Variants in METAP2 observed in about 807,000 individuals in gnomAD.
The protein encoded by METAP2 is methionyl aminopeptidase 2, also known as methionine aminopeptidase 2.
METAP2 carries 25 observed loss-of-function variants against 59.4 expected under a neutral mutation model. The observed-to-expected ratio is 0.42, with a 90% CI of 0.31 to 0.59. The LOEUF (loss-of-function observed/expected upper bound fraction) is 0.59. METAP2 is among the 20% of genes least tolerant of loss of function. The probability of loss-of-function intolerance (pLI) is 0.16; values close to 1 mark genes in which losing one functional copy is unlikely to be tolerated. For missense variants in METAP2, 366 were observed against 581.2 expected, an observed-to-expected ratio of 0.63 and a Z score of 3.81; for synonymous variants, 214 against 194.1, an observed-to-expected ratio of 1.10 and a Z score of -0.85.
In METAP2 at chr12:95,485,959, G is replaced by A; in HGVS notation, c.406G>A (p.Glu136Lys). ...NGVFPKGQEC[E>K]YPPTQDGRTA... ...TGTATTTCCCAAAGGACAAGAATGC[G>A]AATACCCACCCACACAAGATGGGTA... is the stretch of plus-strand genomic sequence containing the variant. Residue 136 changes from glutamate to lysine, a missense_variant, in exon 4 of 11, where the codon GAA becomes AAA. Glu to Lys is a moderately conservative substitution (Grantham distance 56). Transcript: ENST00000323666. 1.3e-6 allele frequency: 2 copies of A among 1,585,906 alleles called. No homozygotes were observed. The highest frequency in any genetic ancestry group is 8.6e-7 in the Non-Finnish European group (1 of 1,166,146).
At chr12:95,482,749 G>C (rs983033945) in intron 2 of METAP2, among the ~76,000 whole-genome samples, 1 of 152,094 alleles carries the variant, frequency 6.6e-6, no homozygotes, top group Non-Finnish European at 1.5e-5. Context: ...CTGAGATTGC[G>C]CCATTGCACT....
At chr12:95,480,346 A>G (rs1167106005) in intron 2 of METAP2, among the ~76,000 whole-genome samples, 1 of 152,214 alleles carries the variant, frequency 6.6e-6, no homozygotes, top group Non-Finnish European at 1.5e-5. Context: ...ACATTTGCAT[A>G]TGGGTCTATG....
rs145505343 is a variant in METAP2 at position 95,514,947 on chromosome 12, G to A, written c.*1043G>A. On this transcript the variant is annotated 3_prime_UTR_variant, in exon 11 of 11. Coordinates refer to ENST00000323666, the MANE Select transcript of METAP2 (RefSeq NM_006838.4). Reference sequence around the variant, plus strand: ...ACGTTACAGTTACTTTCCTTATAGCGGCTAAGTGTATTAAGTTGAATGTAA... The same window carrying A: ...ACGTTACAGTTACTTTCCTTATAGCAGCTAAGTGTATTAAGTTGAATGTAA... 58 of 152,568 alleles carry A rather than the reference G, an allele frequency of 3.8e-4. No individual in the cohort carries two copies. The East Asian group carries it at 8.9e-3, about 23-fold the overall frequency. The allele number at this position is 152,568 out of a possible 1,614,324, so 9.5% of individuals were successfully genotyped here.
At chr12:95,481,630 T>A (rs1012081535) in intron 2 of METAP2, among the ~76,000 whole-genome samples, 2 of 152,246 alleles carry the variant, frequency 1.3e-5, no homozygotes, top group African/African-American at 4.8e-5. Context: ...GGACATTGAA[T>A]AAGGTAATTA....
In METAP2 at chr12:95,474,280, C is replaced by A. The variant is rs1383637325; in HGVS notation, c.101C>A (p.Ala34Glu). Residue 34 changes from alanine (A) to glutamate (E), a missense_variant, in exon 1 of 11, where the codon GCA becomes GAA. Around this residue, in one of 4 missense-constraint regions of METAP2, gnomAD observed 177 missense variants for 180.3 expected, o/e 0.98. Transcript: ENST00000323666. ...EEGAASTAEE[A>E]AKKKRRKKKK... ...GGAGCTGCCTCTACGGCTGAGGAAG[C>A]AGCCAAGAAAAAAAGACGAAAGAAG... 5 of 1,614,106 alleles carry A rather than the reference C, an allele frequency of 3.1e-6. No individual in the cohort carries two copies. Among genetic ancestry groups the A allele is most frequent in the Non-Finnish European group, 4.2e-6 (5 of 1,180,002 alleles).
intron 2 of METAP2, chr12:95,482,110 G>A (rs2076162604): frequency 2.2e-6 from 1 of 446,902 alleles, no homozygotes; most frequent in Non-Finnish European, 4.5e-6. Flanking sequence ...TTTGTGTTTT[G>A]GGTTTGTTGT....
intron 7 of METAP2, among the ~76,000 whole-genome samples, chr12:95,496,687 G>A (rs2076277377): frequency 6.7e-6 from 1 of 150,246 alleles, no homozygotes; most frequent in Non-Finnish European, 1.5e-5. Context: ...GTGCTCAACT[G>A]ATTCATCCCT....
At chr12:95,487,087 G>A (rs1336107271) in intron 4 of METAP2, among the ~76,000 whole-genome samples, 1 of 152,170 alleles carries the variant, frequency 6.6e-6, no homozygotes, top group African/African-American at 2.4e-5. Flanking sequence ...TCATTGTGAG[G>A]AATGATATAT....
chr12:95,493,063 T>C (rs1054108469), intron 4 of METAP2, among the ~76,000 whole-genome samples: 4 of 152,230 alleles, frequency 2.6e-5, no homozygotes, highest in African/African-American at 9.6e-5. Flanking sequence ...AGTTGCAAAC[T>C]GTATATTCAG....
intron 8 of METAP2, among the ~76,000 whole-genome samples, chr12:95,509,475 T>C (rs78076980): frequency 0.079 from 12,092 of 152,270 alleles, 669 homozygotes; most frequent in Non-Finnish European, 0.12. Context: ...ATAACAAAAG[T>C]GACGCCAGTC....
chr12:95,492,122 A>G (rs916949048), intron 4 of METAP2, among the ~76,000 whole-genome samples: 6 of 105,514 alleles, frequency 5.7e-5, no homozygotes, highest in Admixed American at 9.6e-5. Flanking sequence ...GTGTGTATGT[A>G]TATGTGTGTT....
chr12:95,486,868 C>T (rs953191086), intron 4 of METAP2, among the ~76,000 whole-genome samples: 9 of 152,194 alleles, frequency 5.9e-5, no homozygotes, highest in Non-Finnish European at 4.4e-5. Context: ...GAAACAAATT[C>T]ACCTGATTCT....
At chr12:95,488,531 A>G (rs1396404718) in intron 4 of METAP2, among the ~76,000 whole-genome samples, 1 of 149,218 alleles carries the variant, frequency 6.7e-6, no homozygotes, top group Non-Finnish European at 1.5e-5. Flanking sequence ...AAAAAAAAAA[A>G]AAAAAAAATA....
chr12:95,500,151 G>GTT (rs202185818), intron 7 of METAP2, among the ~76,000 whole-genome samples: 5 of 145,632 alleles, frequency 3.4e-5, no homozygotes, highest in Admixed American at 6.9e-5. Flanking sequence ...TAATTCCTAA[G>GTT]TTTTTTTTTT....
intron 4 of METAP2, among the ~76,000 whole-genome samples, chr12:95,491,747 T>C (rs1359381403): frequency 6.6e-6 from 1 of 151,202 alleles, no homozygotes; most frequent in Non-Finnish European, 1.5e-5. Context: ...CCTGAACTCA[T>C]GCAGTCTGTC....
intron 8 of METAP2, among the ~76,000 whole-genome samples, chr12:95,504,629 G>C (rs901101789): frequency 2.0e-5 from 3 of 151,736 alleles, no homozygotes; most frequent in Non-Finnish European, 4.4e-5. Flanking sequence ...TAGCCCTCCC[G>C]GGTAGTTGGG....
At chr12:95,474,437 T>G (rs1288446506) in intron 1 of METAP2, 107 bp downstream of exon 1, 1 of 1,238,538 alleles carries the variant, frequency 8.1e-7, no homozygotes, top group Non-Finnish European at 1.1e-6. Flanking sequence ...CCGACTAGAC[T>G]GATTCTTGGG....
At chr12:95,483,178 GT>G in intron 2 of METAP2, 36 bp from the exon 3 acceptor site, 5 of 1,535,008 alleles carry the variant, frequency 3.3e-6, no homozygotes, top group Non-Finnish European at 4.5e-6. Flanking sequence ...TGCTTATGAG[GT>G]TTAAATGAAC....
intron 2 of METAP2, among the ~76,000 whole-genome samples, chr12:95,481,371 A>G (rs2140139904): frequency 6.6e-6 from 1 of 152,320 alleles, no homozygotes; most frequent in Admixed American, 6.5e-5. Flanking sequence ...TGATCCTGCC[A>G]CTGCACTCCA....
Sources: gnomAD v4.1 joint callset for allele counts (sites outside exome capture counted in the v4.1 genomes callset) on GRCh38, gnomAD v4.1.1 for gene constraint, gnomAD v4.1.1 regional missense constraint, MANE v1.5 for transcripts, NCBI Gene and HGNC (gene_info 2026-07-23, HGNC 2026-07-21) for gene names.